The following NSUN4 variants were observed in gnomAD, a reference collection of about 807,000 sequenced individuals.
NSUN4 encodes the protein NOP2/Sun RNA methyltransferase 4, also known as 5-cytosine rRNA methyltransferase NSUN4.
A neutral mutation model predicts 43.8 loss-of-function variants in NSUN4; 31 were observed. The observed-to-expected ratio is 0.71, with a 90% CI of 0.53 to 0.96. The LOEUF (loss-of-function observed/expected upper bound fraction) is 0.96, where lower values mean the gene tolerates loss of function less well. Ranked by LOEUF, NSUN4 falls within the 40% of genes least tolerant of loss-of-function variation. The pLI is 0.00. For synonymous variants in NSUN4, 167 were observed against 184.1 expected, an observed-to-expected ratio of 0.91 and a Z score of 0.75; for missense variants, 439 against 475.6, an observed-to-expected ratio of 0.92 and a Z score of 0.72.
At chr1:46,359,551 ATTT>A (rs1404750267) in intron 4 of NSUN4, among the ~76,000 whole-genome samples, 1 of 56,938 alleles carries the variant, frequency 1.8e-5, no homozygotes. Flanking sequence ...GCCCGGCTAA[ATTT>A]TTTTTTTTTT....
At chr1:46,372,710 T>A in the NSUN4 span, among the ~76,000 whole-genome samples, 1 of 152,050 alleles carries the variant, frequency 6.6e-6, no homozygotes, top group Non-Finnish European at 1.5e-5. Flanking sequence ...TTGACAGTTT[T>A]TTGTTTTGTT....
chr1:46,347,805 A>T (rs1387720784), intron 3 of NSUN4, among the ~76,000 whole-genome samples: 1 of 151,076 alleles, frequency 6.6e-6, no homozygotes, highest in Non-Finnish European at 1.5e-5. Context: ...TGCTCTTGTT[A>T]AATTTTCTCC....
chr1:46,363,517 A>G lies in NSUN4; in HGVS notation c.*1671A>G, dbSNP rs1260187774. ...TCTAATTGGGGACAGGCAGACCTAG[A>G]TAAGAAAAGCAGAGAACTACTTTGG... On this transcript the variant is annotated 3_prime_UTR_variant, in exon 6 of 6. Coordinates refer to ENST00000474844, the MANE Select transcript of NSUN4 (RefSeq NM_199044.4). 2 of 152,236 alleles carry G rather than the reference A, an allele frequency of 1.3e-5. No individual in the cohort carries two copies. Among genetic ancestry groups the G allele is most frequent in the Admixed American group, 6.5e-5 (1 of 15,272 alleles). The allele number at this position is 152,236 out of a possible 1,614,324, so 9.4% of individuals were successfully genotyped here.
rs1192286797 is a variant in NSUN4, at chr1:46,345,056, GC to G, written c.353del (p.Pro118HisfsTer40). The G allele has an allele frequency of 1.9e-6, 3 of 1,614,180 alleles. No homozygotes were observed. The highest frequency in any genetic ancestry group is 2.5e-6 in the Non-Finnish European group (3 of 1,180,020). Reference protein sequence around the residue: ...ELQSEGGQSAAPSPASWACSP... With the variant: ...ELQSEGGQSAXPSPASWACSP... ...GCAGTCTGAGGGTGGCCAATCTGCAGCCCCATCCCCTGCCTCCTGGGCCTGC... is the reference window on the plus strand; with the variant it reads ...GCAGTCTGAGGGTGGCCAATCTGCAGCCCATCCCCTGCCTCCTGGGCCTGC... On this transcript the variant is annotated frameshift_variant, in exon 2 of 6. Transcript: ENST00000474844. LOFTEE classifies it high-confidence loss of function.
chr1:46,342,846 C>T (rs368046158), intron 1 of NSUN4: 3 of 399,876 alleles, frequency 7.5e-6, no homozygotes, highest in African/African-American at 4.1e-5. Flanking sequence ...CCCTTCTGGC[C>T]AGCCCAAGCC....
At chr1:46,382,042 C>G in the NSUN4 span, among the ~76,000 whole-genome samples, 1 of 152,202 alleles carries the variant, frequency 6.6e-6, no homozygotes, top group Admixed American at 6.5e-5. Flanking sequence ...CCAACCAAGT[C>G]TTTCCATAGG....
the NSUN4 span, among the ~76,000 whole-genome samples, chr1:46,376,494 C>T: frequency 6.6e-6 from 1 of 151,408 alleles, no homozygotes; most frequent in Non-Finnish European, 1.5e-5. Flanking sequence ...GGACAAATTA[C>T]TTGAAAATTT....
chr1:46,352,382 G>A (rs549051924), intron 3 of NSUN4, among the ~76,000 whole-genome samples: 2 of 152,136 alleles, frequency 1.3e-5, no homozygotes, highest in South Asian at 4.2e-4. Flanking sequence ...AACCCAGGAG[G>A]TGGAGGTTGC....
chr1:46,382,045 T>C, the NSUN4 span, among the ~76,000 whole-genome samples: 1 of 152,190 alleles, frequency 6.6e-6, no homozygotes, highest in Admixed American at 6.5e-5. Flanking sequence ...ACCAAGTCTT[T>C]CCATAGGTGG....
the NSUN4 span, among the ~76,000 whole-genome samples, chr1:46,377,393 G>A: frequency 2.0e-5 from 3 of 152,128 alleles, no homozygotes; most frequent in Admixed American, 2.0e-4. Flanking sequence ...GATTTGATTT[G>A]CCTACAACCT....
rs1553176676 is a variant in NSUN4 at position 46,348,820 on chromosome 1, T to TTTTTG, written c.592+1749_592+1750insGTTTT. Among the ~76,000 whole-genome samples the TTTTTG allele has an allele frequency of 1.7e-3, 242 of 142,150 alleles. 5 individuals carry two copies. The highest frequency in any genetic ancestry group is 6.2e-3 in the African/African-American group (232 of 37,554). 93.3% of individuals were successfully genotyped at this position (142,150 alleles called of 152,430 possible). On this transcript the variant is annotated intron_variant, in intron 3 of 5. Transcript: ENST00000474844. ...GGCCTTGTGCACTGTTTTTTTTTTT[T>TTTTTG]TTTTTTTTTTTTGAGAAGAAGTTTC...
At chr1:46,375,967 G>T in the NSUN4 span, among the ~76,000 whole-genome samples, 1 of 151,274 alleles carries the variant, frequency 6.6e-6, no homozygotes, top group Non-Finnish European at 1.5e-5. Flanking sequence ...TTAGCCGGGG[G>T]TGGTGGCACA....
the NSUN4 span, among the ~76,000 whole-genome samples, chr1:46,374,158 T>G: frequency 1.3e-5 from 2 of 151,438 alleles, no homozygotes; most frequent in African/African-American, 4.9e-5. Context: ...TGGTGACACA[T>G]GCCTGTAATC....
intron 1 of NSUN4, chr1:46,343,100 G>C (rs527443539): frequency 5.0e-6 from 2 of 399,040 alleles, no homozygotes; most frequent in South Asian, 1.3e-4. Context: ...CCTCCATAGG[G>C]CCCCCCTGCA....
In NSUN4 at chr1:46,361,779, T is replaced by C; in HGVS notation, c.1088T>C (p.Leu363Pro). 7.4e-6 allele frequency: 12 copies of C among 1,614,178 alleles called. No individual in the cohort carries two copies. Among genetic ancestry groups the C allele is most frequent in the Non-Finnish European group, 1.0e-5 (12 of 1,179,998 alleles). ...CFFSSCQVGE[L>P]VIPNLMANFG... ...TTCTCATCCTGTCAGGTTGGGGAGC[T>C]GGTAATACCAAACCTCATGGCCAAT... Residue 363 changes from leucine (L) to proline (P), a missense_variant, in exon 6 of 6, where the codon CTG becomes CCG. Physicochemically the swap from Leu to Pro is moderately conservative, Grantham distance 98. Coordinates refer to ENST00000474844, the MANE Select transcript of NSUN4 (RefSeq NM_199044.4).
chr1:46,360,857 T>A (rs1244487106), intron 5 of NSUN4, 29 bp downstream of exon 5: 7 of 1,611,764 alleles, frequency 4.3e-6, no homozygotes, highest in Middle Eastern at 1.7e-4. Flanking sequence ...AACTCAGGAC[T>A]TTGTGCCAGA....
chr1:46,360,881 C>T, intron 5 of NSUN4, 53 bp downstream of exon 5: 3 of 1,598,630 alleles, frequency 1.9e-6, no homozygotes, highest in Non-Finnish European at 2.6e-6. Flanking sequence ...CTCTGGGAGA[C>T]TGGGGGACTG....
At chr1:46,343,343 C>T in intron 1 of NSUN4, 1 of 399,902 alleles carries the variant, frequency 2.5e-6, no homozygotes, top group Non-Finnish European at 4.4e-6. Context: ...CCATTGTCCC[C>T]CGAGTCCGGG....
intron 1 of NSUN4, chr1:46,343,805 G>T (rs1662290807): frequency 2.7e-5 from 11 of 400,560 alleles, no homozygotes; most frequent in Non-Finnish European, 4.8e-5. Flanking sequence ...GTCTATGATG[G>T]CAAAAGTCGG....
Sources: allele counts gnomAD v4.1 joint callset (sites outside exome capture counted in the v4.1 genomes callset), GRCh38; gene constraint gnomAD v4.1.1; transcripts MANE v1.5; gene names NCBI Gene and HGNC (gene_info 2026-07-23, HGNC 2026-07-21).